NRG1: variants seen among roughly 807,000 people sequenced by gnomAD.
The protein encoded by NRG1 is pro-neuregulin-1, membrane-bound isoform.
A neutral mutation model predicts 63.8 loss-of-function variants in NRG1; 18 were observed. The observed-to-expected ratio is 0.28, with a 90% CI of 0.19 to 0.42. NRG1 has a LOEUF of 0.42. Among genes scored for constraint, NRG1 ranks in the 10% least tolerant of loss-of-function variants. NRG1 has a pLI of 1.00. For missense variants in NRG1, 762 were observed against 814.7 expected, an observed-to-expected ratio of 0.94 and a Z score of 0.79; for synonymous variants, 302 against 301.3, an observed-to-expected ratio of 1.00 and a Z score of -0.02.
chr8:32,244,120 C>T (rs966945633), intron 1 of NRG1, among the ~76,000 whole-genome samples: 6 of 152,138 alleles, frequency 3.9e-5, no homozygotes, highest in East Asian at 1.9e-4. Context: ...TTTATTTGAT[C>T]CTCATGTTCA....
intron 1 of NRG1, among the ~76,000 whole-genome samples, chr8:31,958,943 A>G (rs969763674): frequency 1.3e-5 from 2 of 152,170 alleles, no homozygotes; most frequent in African/African-American, 4.8e-5. Context: ...CAGGATTTCA[A>G]GTCAGGAGAT....
At chr8:31,936,972 G>A (rs1801002958) in intron 1 of NRG1, among the ~76,000 whole-genome samples, 1 of 152,176 alleles carries the variant, frequency 6.6e-6, no homozygotes, top group Non-Finnish European at 1.5e-5. Context: ...GTGTTTAAAT[G>A]ACTTTTAAAA....
chr8:32,005,422 G>A (rs936158427), intron 1 of NRG1, among the ~76,000 whole-genome samples: 1 of 151,934 alleles, frequency 6.6e-6, no homozygotes, highest in Non-Finnish European at 1.5e-5. Flanking sequence ...CCTATAAAAA[G>A]GTTTAGATTG....
At chr8:32,048,128 A>G (rs532601859) in intron 1 of NRG1, among the ~76,000 whole-genome samples, 94 of 151,860 alleles carry the variant, frequency 6.2e-4, no homozygotes, top group African/African-American at 2.1e-3. Context: ...TATGTAACAC[A>G]TTTCCTTTAT....
At chr8:32,721,858 GAGC>G in intron 5 of NRG1, 1 of 1,401,782 alleles carries the variant, frequency 7.1e-7, no homozygotes, top group Non-Finnish European at 9.3e-7. Context: ...TTCTGCTCCA[GAGC>G]TTCATCTTCA....
intron 1 of NRG1, among the ~76,000 whole-genome samples, chr8:31,970,439 C>T (rs1423545559): frequency 1.1e-4 from 17 of 152,082 alleles, no homozygotes; most frequent in Admixed American, 1.0e-3. Context: ...ACCAGGTTGC[C>T]ATGTTAAGGA....
At chr8:31,819,147 G>T (rs1823759031) in intron 1 of NRG1, among the ~76,000 whole-genome samples, 1 of 152,170 alleles carries the variant, frequency 6.6e-6, no homozygotes, top group Non-Finnish European at 1.5e-5. Context: ...GCTGAGGCAG[G>T]AGGATTGTTT....
intron 1 of NRG1, among the ~76,000 whole-genome samples, chr8:32,010,058 C>A (rs943960254): frequency 6.6e-6 from 1 of 152,016 alleles, no homozygotes; most frequent in South Asian, 2.1e-4. Context: ...GAGCTAAAAG[C>A]AGATTCTCTC....
intron 1 of NRG1, among the ~76,000 whole-genome samples, chr8:32,301,162 C>T (rs1341405230): frequency 6.6e-6 from 1 of 152,078 alleles, no homozygotes; most frequent in Non-Finnish European, 1.5e-5. Flanking sequence ...GGGTAGGGTC[C>T]TGTGCCTCAG....
At chr8:32,484,031 A>G (rs1825624190) in intron 1 of NRG1, among the ~76,000 whole-genome samples, 1 of 151,782 alleles carries the variant, frequency 6.6e-6, no homozygotes, top group African/African-American at 2.4e-5. Flanking sequence ...TGAACCCAGG[A>G]GGCGGAGCTT....
chr8:31,848,639 G>A (rs573803216), intron 1 of NRG1, among the ~76,000 whole-genome samples: 1 of 152,272 alleles, frequency 6.6e-6, no homozygotes, highest in South Asian at 2.1e-4. Flanking sequence ...TCTGAGCCCT[G>A]CTTCCTGTCA....
chr8:31,778,292 C>G (rs1471324978), intron 1 of NRG1, among the ~76,000 whole-genome samples: 1 of 152,120 alleles, frequency 6.6e-6, no homozygotes, highest in Non-Finnish European at 1.5e-5. Context: ...GCTACATGTC[C>G]CTTCTAGTCT....
chr8:31,851,009 T>C (rs1827159974), intron 1 of NRG1, among the ~76,000 whole-genome samples: 1 of 152,192 alleles, frequency 6.6e-6, no homozygotes, highest in African/African-American at 2.4e-5. Context: ...CTAACTTTGG[T>C]GGCCATATAC....
intron 1 of NRG1, among the ~76,000 whole-genome samples, chr8:32,309,619 T>C (rs1452492382): frequency 6.6e-6 from 1 of 152,192 alleles, no homozygotes; most frequent in African/African-American, 2.4e-5. Flanking sequence ...AGTTATGCCC[T>C]ATTGTTTTTT....
chr8:31,745,839 G>C (rs1440767248), intron 1 of NRG1, among the ~76,000 whole-genome samples: 1 of 151,872 alleles, frequency 6.6e-6, no homozygotes, highest in East Asian at 1.9e-4. Context: ...CAAAAGAAGG[G>C]AGAAAGAGAG....
At chr8:32,241,553 G>T (rs769111100) in intron 1 of NRG1, among the ~76,000 whole-genome samples, 1 of 152,106 alleles carries the variant, frequency 6.6e-6, no homozygotes, top group Admixed American at 6.6e-5. Context: ...CACAATTGGC[G>T]TGCAATAGAG....
At chr8:32,749,855 T>C (rs923355450) in intron 7 of NRG1, 1 of 494,608 alleles carries the variant, frequency 2.0e-6, no homozygotes, top group Non-Finnish European at 3.6e-6. Context: ...TATCCCACGC[T>C]GCTTAACCCA....
chr8:32,452,025 A>T (rs1020818135), intron 1 of NRG1, among the ~76,000 whole-genome samples: 1 of 152,080 alleles, frequency 6.6e-6, no homozygotes, highest in African/African-American at 2.4e-5. Flanking sequence ...ACGGAGTTTC[A>T]TCATGTTGGC....
intron 3 of NRG1, among the ~76,000 whole-genome samples, chr8:32,613,556 A>G (rs994066104): frequency 5.3e-5 from 8 of 152,076 alleles, no homozygotes; most frequent in Admixed American, 1.3e-4. Context: ...ACATAAAATT[A>G]TATATGACCT....
Sources: gnomAD v4.1 joint callset for allele counts (sites outside exome capture counted in the v4.1 genomes callset) on GRCh38, gnomAD v4.1.1 for gene constraint, MANE v1.5 for transcripts, NCBI Gene and HGNC (gene_info 2026-07-23, HGNC 2026-07-21) for gene names.